The following USP3 variants were observed in gnomAD, a reference collection of about 807,000 sequenced individuals.
USP3 encodes the protein ubiquitin specific peptidase 3.
A neutral mutation model predicts 72.3 loss-of-function variants in USP3; 20 were observed. The observed-to-expected ratio is 0.28, with a 90% confidence interval of 0.19 to 0.40. The LOEUF is 0.40. USP3 is among the 10% of genes least tolerant of loss of function. The probability of loss-of-function intolerance (pLI) is 1.00; values close to 1 mark genes in which losing one functional copy is unlikely to be tolerated. For missense variants in USP3, 479 were observed against 633.9 expected (o/e 0.76, Z 2.62); for synonymous variants, 222 against 225.3 (o/e 0.99, Z 0.13).
rs1441420792 is a variant in USP3 at position 63,588,253 on chromosome 15, T to TGC, written c.1097-51_1097-50dup. The TGC allele has an allele frequency of 2.9e-6, 4 of 1,369,622 alleles. No homozygotes were observed. The African/African-American group carries it at 5.8e-5, about 20-fold the overall frequency. The allele number at this position is 1,369,622 out of a possible 1,614,324, so 84.8% of individuals were successfully genotyped here. A position where few individuals can be genotyped will look rare whatever the true frequency, so the allele number is the denominator to read the frequency against. On this transcript the variant is annotated intron_variant, in intron 11 of 14. Coordinates refer to ENST00000380324, the MANE Select transcript of USP3 (RefSeq NM_006537.4). This position sits in a 1 kb window ranked among gnomAD's most constrained non-coding sequence, Gnocchi z 4.6. ...CCTGGGTCTTTTTTCTACAGTACAT[T>TGC]GCCTCTACAAAAGGCATCTTGTTTT... is the stretch of plus-strand genomic sequence containing the variant.
chr15:63,578,613 GAA>G (rs527520835), intron 11 of USP3, among the ~76,000 whole-genome samples: 6 of 85,554 alleles, frequency 7.0e-5, no homozygotes, highest in Admixed American at 1.4e-4. Flanking sequence ...CTCCGTCTCA[GAA>G]AAAAAAAAAA....
chr15:63,558,602 T>G (rs1191384351), intron 6 of USP3, among the ~76,000 whole-genome samples: 3 of 151,842 alleles, frequency 2.0e-5, no homozygotes, highest in African/African-American at 7.3e-5. Flanking sequence ...CCAGGTGCAG[T>G]GGCTCAGGCC....
intron 3 of USP3, among the ~76,000 whole-genome samples, chr15:63,548,082 G>T (rs2066379247): frequency 2.1e-5 from 3 of 145,296 alleles, no homozygotes; most frequent in African/African-American, 7.7e-5. Context: ...CTGCAATCCA[G>T]CCTGGGTGAC....
In USP3 at chr15:63,568,146, G is replaced by T. The variant is rs1171706538; in HGVS notation, c.762-2287G>T. ...GAGGCGGGCGGATCACGAGTCAGGA[G>T]ATCGAGACCATCCTGGTCAACATGG... is the stretch of plus-strand genomic sequence containing the variant. On this transcript the variant is annotated intron_variant, in intron 8 of 14. Coordinates refer to ENST00000380324, the MANE Select transcript of USP3 (RefSeq NM_006537.4). 5.3e-5 allele frequency among the ~76,000 whole-genome samples: 8 copies of T among 152,160 alleles called. No homozygotes were observed. The East Asian group carries it at 1.5e-3, about 29-fold the overall frequency.
chr15:63,527,463 C>G (rs1446583423), intron 1 of USP3, among the ~76,000 whole-genome samples: 3 of 152,174 alleles, frequency 2.0e-5, no homozygotes, highest in African/African-American at 2.4e-5. Context: ...TTAAACTATT[C>G]TGTGTAGAGA....
chr15:63,522,136 A>T (rs1424746784), intron 1 of USP3, among the ~76,000 whole-genome samples: 1 of 152,180 alleles, frequency 6.6e-6, no homozygotes, highest in African/African-American at 2.4e-5. Context: ...TTGGCCTCCC[A>T]AAGTGTTGGG....
intron 1 of USP3, among the ~76,000 whole-genome samples, chr15:63,511,318 G>T (rs1220306011): frequency 7.7e-6 from 1 of 130,584 alleles, no homozygotes; most frequent in Non-Finnish European, 1.6e-5. Context: ...CTTAATGCTT[G>T]ACAATTTAAA....
chr15:63,559,154 A>C (rs896954513), intron 6 of USP3, among the ~76,000 whole-genome samples: 1 of 152,250 alleles, frequency 6.6e-6, no homozygotes, highest in African/African-American at 2.4e-5. Context: ...TAGCGTTCCA[A>C]TAATGGAACA....
intron 1 of USP3, chr15:63,527,745 T>C (rs2066005915): frequency 6.6e-6 from 1 of 152,266 alleles, no homozygotes; most frequent in Non-Finnish European, 1.5e-5. Context: ...CTCCCTGGTT[T>C]CTGCTCCGGT....
intron 8 of USP3, 105 bp downstream of exon 8, chr15:63,563,113 A>C: frequency 1.3e-6 from 1 of 789,984 alleles, no homozygotes; most frequent in Non-Finnish European, 1.8e-6. Context: ...CTAAATACTT[A>C]AGACTGGTTT....
At chr15:63,511,565 T>C (rs1309860661) in intron 1 of USP3, among the ~76,000 whole-genome samples, 1 of 152,184 alleles carries the variant, frequency 6.6e-6, no homozygotes, top group Non-Finnish European at 1.5e-5. Flanking sequence ...GATCTAATAT[T>C]TTTATAGGCC....
chr15:63,544,680 T>C lies in USP3; in HGVS notation c.284+7524T>C. On this transcript the variant is annotated intron_variant, in intron 3 of 14. Transcript: ENST00000380324. The surrounding 1 kb of genome is among the most constrained non-coding windows in gnomAD (Gnocchi z 4.2). ...ATGGAGATGACCGAATGAGGAATAT[T>C]GTTTTGCCATTAAATAAGTGAATAG... 1 of 701,666 alleles carries C rather than the reference T, an allele frequency of 1.4e-6. No homozygotes were observed. The highest frequency in any genetic ancestry group is 1.5e-5 in the South Asian group (1 of 67,520). 43.5% of individuals were successfully genotyped at this position (701,666 alleles called of 1,614,324 possible). A position where few individuals can be genotyped will look rare whatever the true frequency, so the allele number is the denominator to read the frequency against.
At chr15:63,566,346 G>A (rs2066691098) in intron 8 of USP3, among the ~76,000 whole-genome samples, 1 of 146,210 alleles carries the variant, frequency 6.8e-6, no homozygotes, top group African/African-American at 2.5e-5. Context: ...GTCTCGCTTT[G>A]TAGCCGAGAC....
intron 1 of USP3, among the ~76,000 whole-genome samples, chr15:63,509,120 G>A (rs932004354): frequency 6.6e-6 from 1 of 152,104 alleles, no homozygotes; most frequent in African/African-American, 2.4e-5. Flanking sequence ...GGAGTGATGG[G>A]TTATTTTGTA....
chr15:63,592,920 G>C lies in USP3; in HGVS notation c.*2094G>C, dbSNP rs1200947385. On this transcript the variant is annotated 3_prime_UTR_variant, in exon 15 of 15. Coordinates refer to ENST00000380324, the MANE Select transcript of USP3 (RefSeq NM_006537.4). ...ACACATCTGCTAAACACTTTAACAT[G>C]ACAAGGAGCAAATTACAATTATGTG... 6.6e-6 allele frequency: 1 copy of C among 152,128 alleles called. No individual in the cohort carries two copies. The highest frequency in any genetic ancestry group is 1.5e-5 in the Non-Finnish European group (1 of 68,028). 9.4% of individuals were successfully genotyped at this position (152,128 alleles called of 1,614,324 possible). A position where few individuals can be genotyped will look rare whatever the true frequency, so the allele number is the denominator to read the frequency against.
At chr15:63,522,081 GC>G (rs1222683640) in intron 1 of USP3, among the ~76,000 whole-genome samples, 1 of 152,138 alleles carries the variant, frequency 6.6e-6, no homozygotes, top group Non-Finnish European at 1.5e-5. Context: ...TCACTATATT[GC>G]CCAGGCTGAT....
intron 1 of USP3, among the ~76,000 whole-genome samples, chr15:63,510,446 T>A (rs2065765971): frequency 6.6e-6 from 1 of 152,206 alleles, no homozygotes; most frequent in Non-Finnish European, 1.5e-5. Flanking sequence ...GTCTCTGACC[T>A]ACATACATAC....
chr15:63,565,147 C>T (rs528002732), intron 8 of USP3, among the ~76,000 whole-genome samples: 2 of 152,232 alleles, frequency 1.3e-5, no homozygotes, highest in Admixed American at 1.3e-4. Context: ...AATATGAGGA[C>T]TCTGAAATAC....
At chr15:63,555,103 G>A (rs548227695) in intron 4 of USP3, among the ~76,000 whole-genome samples, 2 of 152,280 alleles carry the variant, frequency 1.3e-5, no homozygotes, top group East Asian at 3.9e-4. Context: ...CATTTATACA[G>A]TTAAAAAATC....
Sources: gnomAD v4.1 joint callset for allele counts (sites outside exome capture counted in the v4.1 genomes callset) on GRCh38, gnomAD v4.1.1 for gene constraint, Gnocchi (gnomAD v3.1) non-coding constraint, MANE v1.5 for transcripts, NCBI Gene and HGNC (gene_info 2026-07-23, HGNC 2026-07-21) for gene names.